Variants in GFOD2 observed in about 807,000 individuals in gnomAD.
GFOD2 encodes the protein glucose-fructose oxidoreductase domain-containing protein 2.
A neutral mutation model predicts 24.6 loss-of-function variants in GFOD2; 9 were observed. The ratio of observed to expected loss-of-function variants is 0.37; its 90% CI spans 0.22 to 0.64. The LOEUF (loss-of-function observed/expected upper bound fraction) is 0.64. Ranked by LOEUF, GFOD2 falls within the 30% of genes least tolerant of loss-of-function variation. GFOD2 has a pLI of 0.65. For synonymous variants in GFOD2, 211 were observed against 224.8 expected, an observed-to-expected ratio of 0.94 and a Z score of 0.55; for missense variants, 476 against 532.5, an observed-to-expected ratio of 0.89 and a Z score of 1.04.
rs917375866 is a variant in GFOD2, at chr16:67,690,392, TTCAC to T, written c.-87-4594_-87-4591del. On this transcript the variant is annotated intron_variant, in intron 1 of 2. Transcript: ENST00000268797. Reference sequence around the variant, plus strand: ...TCTGATGGATGTGAGGTGACCATTATTCACTATTTTTTTTTTTTTTTTGAGACAG... The same window carrying T: ...TCTGATGGATGTGAGGTGACCATTATTATTTTTTTTTTTTTTTTGAGACAG... 2.0e-5 allele frequency among the ~76,000 whole-genome samples: 3 copies of T among 151,042 alleles called. No individual in the cohort carries two copies. The Admixed American group carries it at 2.0e-4, about 10-fold the overall frequency.
intron 1 of GFOD2, among the ~76,000 whole-genome samples, chr16:67,707,393 T>C (rs1006993757): frequency 6.6e-6 from 1 of 151,472 alleles, no homozygotes; most frequent in African/African-American, 2.4e-5. Context: ...TCCTGAAGTT[T>C]GGAGAGGATA....
intron 1 of GFOD2, among the ~76,000 whole-genome samples, chr16:67,702,416 G>C (rs963856863): frequency 6.6e-6 from 1 of 151,734 alleles, no homozygotes; most frequent in Non-Finnish European, 1.5e-5. Flanking sequence ...AGAGGTTGCA[G>C]TGAACAGAGA....
chr16:67,712,514 C>A (rs2053482452), intron 1 of GFOD2, among the ~76,000 whole-genome samples: 1 of 123,186 alleles, frequency 8.1e-6, no homozygotes, highest in Non-Finnish European at 1.7e-5. Flanking sequence ...GTCTCCAGCT[C>A]CTAGCCGCGA....
At chr16:67,706,783 G>A (rs771462159) in intron 1 of GFOD2, among the ~76,000 whole-genome samples, 1 of 152,068 alleles carries the variant, frequency 6.6e-6, no homozygotes, top group Non-Finnish European at 1.5e-5. Context: ...AATATGAGCT[G>A]AATATATATG....
chr16:67,705,004 G>A (rs188990781), intron 1 of GFOD2, among the ~76,000 whole-genome samples: 136 of 152,248 alleles, frequency 8.9e-4, no homozygotes, highest in African/African-American at 2.8e-3. Flanking sequence ...TCTGAGACCC[G>A]TGGGATGTAA....
chr16:67,675,888 A>C lies in GFOD2; in HGVS notation c.425T>G (p.Val142Gly). 4.3e-6 allele frequency: 7 copies of C among 1,614,138 alleles called. No homozygotes were observed. Among genetic ancestry groups the C allele is most frequent in the Non-Finnish European group, 8.5e-7 (1 of 1,180,040 alleles). The change falls in exon 3 of 3, where the codon GTG becomes GGG. Residue 142 changes from valine (V) to glycine (G), a missense_variant. By Grantham distance (109) the Val-to-Gly change is moderately radical. Coordinates refer to ENST00000268797, the MANE Select transcript of GFOD2 (RefSeq NM_030819.4). ...RMKQLISEHY[V>G]GAVMICDARI... ...GGCATCACAGATCATCACCGCTCCCACATAGTGTTCCGAAATCAGCTGTTT... is the reference window on the plus strand; with the variant it reads ...GGCATCACAGATCATCACCGCTCCCCCATAGTGTTCCGAAATCAGCTGTTT...
chr16:67,717,084 C>T (rs998629022), intron 1 of GFOD2, among the ~76,000 whole-genome samples: 1 of 152,000 alleles, frequency 6.6e-6, no homozygotes, highest in Non-Finnish European at 1.5e-5. Flanking sequence ...TTAGTAGAGA[C>T]GGGGTTTCAT....
At chr16:67,689,488 T>C (rs2142994618) in intron 1 of GFOD2, among the ~76,000 whole-genome samples, 1 of 151,470 alleles carries the variant, frequency 6.6e-6, no homozygotes, top group South Asian at 2.1e-4. Flanking sequence ...CTGACCAACA[T>C]CGTGAAACCC....
chr16:67,713,331 T>C (rs1281292771), intron 1 of GFOD2, among the ~76,000 whole-genome samples: 1 of 152,142 alleles, frequency 6.6e-6, no homozygotes, highest in Non-Finnish European at 1.5e-5. Flanking sequence ...GTGTGGGGGT[T>C]TCTCCCCACA....
At chr16:67,689,648 G>A (rs550870049) in intron 1 of GFOD2, among the ~76,000 whole-genome samples, 1 of 152,142 alleles carries the variant, frequency 6.6e-6, no homozygotes, top group South Asian at 2.1e-4. Context: ...TCCAGCCTGG[G>A]CGACAGAGCA....
intron 2 of GFOD2, chr16:67,681,678 G>T: frequency 1.0e-6 from 1 of 971,560 alleles, no homozygotes; most frequent in Non-Finnish European, 1.2e-6. Flanking sequence ...CCAAAGTGCT[G>T]GATTAGAGGT....
At chr16:67,704,249 CTGAGA>C (rs1429575749) in intron 1 of GFOD2, among the ~76,000 whole-genome samples, 49 of 152,306 alleles carry the variant, frequency 3.2e-4, no homozygotes, top group Non-Finnish European at 2.9e-5. Flanking sequence ...TGTTTACCAG[CTGAGA>C]TAATTTTGGA....
At chr16:67,705,254 C>T (rs562404014) in intron 1 of GFOD2, among the ~76,000 whole-genome samples, 3 of 152,172 alleles carry the variant, frequency 2.0e-5, no homozygotes, top group Non-Finnish European at 4.4e-5. Flanking sequence ...GTTGCACAGG[C>T]TGGAGTGCAG....
chr16:67,703,832 C>T (rs1056671863), intron 1 of GFOD2, among the ~76,000 whole-genome samples: 5 of 152,096 alleles, frequency 3.3e-5, no homozygotes, highest in Admixed American at 6.5e-5. Context: ...CTGGAAGAGA[C>T]GACATAACTC....
chr16:67,687,755 AGATCAACAAT>A (rs1228467151), intron 1 of GFOD2, among the ~76,000 whole-genome samples: 2 of 150,314 alleles, frequency 1.3e-5, no homozygotes, highest in Admixed American at 6.7e-5. Flanking sequence ...GGATTGCTTG[AGATCAACAAT>A]TCAAGATCAG....
chr16:67,706,771 A>G (rs2053441893), intron 1 of GFOD2, among the ~76,000 whole-genome samples: 1 of 152,196 alleles, frequency 6.6e-6, no homozygotes, highest in Non-Finnish European at 1.5e-5. Context: ...AGGTTGGGAA[A>G]AAATATGAGC....
chr16:67,713,201 T>C (rs958175099), intron 1 of GFOD2, among the ~76,000 whole-genome samples: 2 of 151,924 alleles, frequency 1.3e-5, no homozygotes, highest in Non-Finnish European at 2.9e-5. Context: ...GCATCTTTCA[T>C]GTTATCATAA....
intron 2 of GFOD2, chr16:67,677,296 C>T (rs145225968): frequency 0.076 from 11,579 of 152,178 alleles, 648 homozygotes; most frequent in Middle Eastern, 0.19. Flanking sequence ...CTGCAACTTC[C>T]GCCTCCTGGG....
chr16:67,675,382 C>A lies in GFOD2; in HGVS notation c.931G>T (p.Val311Leu). ...TGGAAGGACTGGCGCAAGGCCTGCA[C>A]CATGTAGACCATGCCCTTCAGGTAC... is the stretch of plus-strand genomic sequence containing the variant. The part of the protein sequence containing the change: ...LLYLKGMVYM[V>L]QALRQSFQGQ... Residue 311 changes from valine to leucine, a missense_variant, in exon 3 of 3, where the codon GTG (valine) becomes TTG (leucine). Val to Leu is a conservative substitution (Grantham distance 32, BLOSUM62 1). Transcript: ENST00000268797. 6.2e-7 allele frequency: 1 copy of A among 1,613,384 alleles called. No individual in the cohort carries two copies.
Sources: allele counts gnomAD v4.1 joint callset (sites outside exome capture counted in the v4.1 genomes callset), GRCh38; gene constraint gnomAD v4.1.1; transcripts MANE v1.5; gene names NCBI Gene and HGNC (gene_info 2026-07-23, HGNC 2026-07-21).